The following AGR2 variants were observed in gnomAD, a reference collection of about 807,000 sequenced individuals.
AGR2 encodes the protein anterior gradient protein 2 homolog.
In AGR2, 27 loss-of-function variants were observed where a neutral mutation model predicts 25.9. That is an observed-to-expected ratio of 1.04 (90% CI 0.77 to 1.44). AGR2 has a LOEUF of 1.44. AGR2 is among the 40% of genes most tolerant of loss of function. The pLI is 0.00. For missense variants in AGR2, 182 were observed against 200.9 expected (o/e 0.91, Z 0.57); for synonymous variants, 78 against 72.0 (o/e 1.08, Z -0.42).
intron 5 of AGR2, chr7:16,799,501 A>T: frequency 2.3e-6 from 1 of 428,194 alleles, no homozygotes; most frequent in East Asian, 3.8e-5. Flanking sequence ...CAACAGAAAA[A>T]ATTCTGACTA....
intron 7 of AGR2, among the ~76,000 whole-genome samples, chr7:16,794,255 C>A (rs1785006687): frequency 6.6e-6 from 1 of 152,102 alleles, no homozygotes; most frequent in African/African-American, 2.4e-5. Flanking sequence ...ACTTAAGTAG[C>A]AACATGTGGC....
chr7:16,794,783 C>A, intron 7 of AGR2, 153 bp downstream of exon 7: 1 of 1,503,078 alleles, frequency 6.7e-7, no homozygotes, highest in Non-Finnish European at 8.9e-7. Context: ...GTGTGATTTG[C>A]CTGAAGATGC....
At chr7:16,802,972 A>G (rs756437467) in intron 1 of AGR2, among the ~76,000 whole-genome samples, 1 of 151,910 alleles carries the variant, frequency 6.6e-6, no homozygotes, top group Non-Finnish European at 1.5e-5. Flanking sequence ...AGCTGGGGCT[A>G]CAGGCACGTG....
chr7:16,795,113 G>T, intron 6 of AGR2, 94 bp from the exon 7 acceptor site: 1 of 1,316,974 alleles, frequency 7.6e-7, no homozygotes, highest in Non-Finnish European at 1.1e-6. Flanking sequence ...ATGTATTCAT[G>T]TCCTGTGAGG....
At chr7:16,799,016 G>A (rs1021969175) in intron 5 of AGR2, among the ~76,000 whole-genome samples, 1 of 152,150 alleles carries the variant, frequency 6.6e-6, no homozygotes, top group Admixed American at 6.5e-5. Context: ...GTTGTAGATG[G>A]AGTTGTTCAC....
chr7:16,794,919 T>C lies in AGR2; in HGVS notation c.478+17A>G, dbSNP rs373659072. On this transcript the variant is annotated intron_variant, in intron 7 of 7. Coordinates refer to ENST00000419304, the MANE Select transcript of AGR2 (RefSeq NM_006408.4). The stretch of plus-strand genomic sequence containing the variant: ...GTTCAACTCTTGGGCAACATCCGAA[T>C]TGAAGGTCACACTTACACAGAGCTG... 3.1e-6 allele frequency: 5 copies of C among 1,614,124 alleles called. No homozygotes were observed. The highest frequency in any genetic ancestry group is 1.3e-5 in the African/African-American group (1 of 75,048).
intron 6 of AGR2, among the ~76,000 whole-genome samples, chr7:16,795,458 T>TAAA (rs71648862): frequency 1.3e-5 from 2 of 151,888 alleles, no homozygotes; most frequent in Non-Finnish European, 2.9e-5. Flanking sequence ...ACGAGTTTTT[T>TAAA]AAAAAAAGTT....
At position 16,801,342 on chromosome 7, in the gene AGR2, C is replaced by G. The variant is rs1421325765; in HGVS notation, c.181G>C (p.Ala61Pro). The G allele has an allele frequency of 6.2e-7, 1 of 1,613,622 alleles. No homozygotes were observed. Among genetic ancestry groups the G allele is most frequent in the Non-Finnish European group, 8.5e-7 (1 of 1,179,854 alleles). ...QLIWTQTYEE[A>P]LYKSKTSNKP... ...TACCTTGTCTTGGATTTATATAGAG[C>G]TTCTTCATATGTCTGAGTCCAGATG... is the stretch of plus-strand genomic sequence containing the variant. Residue 61 changes from alanine (A) to proline (P), a missense_variant, in exon 3 of 8, where the codon GCT becomes CCT. Transcript: ENST00000419304.
Position 16,801,310 on chromosome 7 carries a change from T to G in AGR2, c.203+10A>C. Reference sequence around the variant, plus strand: ...GCTTTGAGGGAGCTCTGAGTAATCCTGATCTTTACCTTGTCTTGGATTTAT... The same window carrying G: ...GCTTTGAGGGAGCTCTGAGTAATCCGGATCTTTACCTTGTCTTGGATTTAT... On this transcript the variant is annotated intron_variant, in intron 3 of 7. Transcript: ENST00000419304. 6.2e-7 allele frequency: 1 copy of G among 1,613,594 alleles called. No homozygotes were observed. The highest frequency in any genetic ancestry group is 8.5e-7 in the Non-Finnish European group (1 of 1,179,648).
At chr7:16,800,323 G>C (rs974391073) in intron 4 of AGR2, among the ~76,000 whole-genome samples, 1 of 152,200 alleles carries the variant, frequency 6.6e-6, no homozygotes, top group African/African-American at 2.4e-5. Flanking sequence ...TTTTGGGGTA[G>C]GCCACTGTGG....
At chr7:16,795,103 A>C (rs1785022315) in intron 6 of AGR2, 84 bp from the exon 7 acceptor site, 3 of 1,401,460 alleles carry the variant, frequency 2.1e-6, no homozygotes, top group Admixed American at 3.6e-5. Context: ...GCTGAAGTTC[A>C]TGTATTCATG....
chr7:16,797,872 T>C (rs923073027), intron 5 of AGR2, among the ~76,000 whole-genome samples, 178 bp from the exon 6 acceptor site: 1 of 151,962 alleles, frequency 6.6e-6, no homozygotes, highest in Non-Finnish European at 1.5e-5. Flanking sequence ...ATAAATAAGA[T>C]AGAGCAGAAC....
intron 2 of AGR2, 81 bp from the exon 3 acceptor site, chr7:16,801,464 G>A (rs753350893): frequency 1.5e-6 from 2 of 1,376,110 alleles, no homozygotes; most frequent in Non-Finnish European, 2.1e-6. Context: ...TAAAGACTGG[G>A]ATAATAGACC....
At chr7:16,794,755 A>C in intron 7 of AGR2, 181 bp downstream of exon 7, 3 of 1,444,458 alleles carry the variant, frequency 2.1e-6, no homozygotes, top group Non-Finnish European at 2.8e-6. Context: ...AAAAACAAAC[A>C]AACCTGAGAT....
chr7:16,801,088 T>C, intron 4 of AGR2, 63 bp downstream of exon 4: 3 of 1,346,164 alleles, frequency 2.2e-6, no homozygotes, highest in Non-Finnish European at 3.2e-6. Flanking sequence ...ACATGAGTGA[T>C]CTGAACCCTG....
intron 3 of AGR2, 45 bp from the exon 4 acceptor site, chr7:16,801,248 A>C: frequency 6.2e-7 from 1 of 1,608,646 alleles, no homozygotes; most frequent in African/African-American, 1.3e-5. Flanking sequence ...GTAAGATTTC[A>C]CATATATCTA....
At chr7:16,801,928 G>A (rs1354476712) in intron 1 of AGR2, 125 bp from the exon 2 acceptor site, 1 of 729,714 alleles carries the variant, frequency 1.4e-6, no homozygotes, top group Non-Finnish European at 2.2e-6. Context: ...GGACATACGA[G>A]ATTGGCGTAA....
chr7:16,797,523 G>C (rs1785067736), intron 6 of AGR2, 108 bp downstream of exon 6: 1 of 826,140 alleles, frequency 1.2e-6, no homozygotes, highest in African/African-American at 1.7e-5. Context: ...CTAGAGCTTA[G>C]TGATGACATT....
rs545921374 is a variant in AGR2 at position 16,804,929 on chromosome 7, C to G, written c.-8+6G>C. 6.6e-6 allele frequency: 1 copy of G among 152,354 alleles called. No individual in the cohort carries two copies. Among genetic ancestry groups the G allele is most frequent in the Admixed American group, 6.6e-5 (1 of 15,266 alleles). The allele number at this position is 152,354 out of a possible 1,614,324, so 9.4% of individuals were successfully genotyped here. On this transcript the variant is annotated splice_donor_region_variant and intron_variant, in intron 1 of 7. Coordinates refer to ENST00000419304, the MANE Select transcript of AGR2 (RefSeq NM_006408.4). ...ACCCTTCTAAAGCTGCTGTCAGGAGCCTTACCTGGATTTCCTCACCCACCT... is the reference window on the plus strand; with the variant it reads ...ACCCTTCTAAAGCTGCTGTCAGGAGGCTTACCTGGATTTCCTCACCCACCT...
Sources: gnomAD v4.1 joint callset for allele counts (sites outside exome capture counted in the v4.1 genomes callset) on GRCh38, gnomAD v4.1.1 for gene constraint, MANE v1.5 for transcripts, NCBI Gene and HGNC (gene_info 2026-07-23, HGNC 2026-07-21) for gene names.